Variants in ANO2 observed in about 807,000 individuals in gnomAD.
ANO2 encodes anoctamin 2.
ANO2 carries 101 observed loss-of-function variants against 124.2 expected under a neutral mutation model. The ratio of observed to expected loss-of-function variants is 0.81; its 90% CI spans 0.69 to 0.96. The LOEUF (loss-of-function observed/expected upper bound fraction) is 0.96. Ranked by LOEUF, ANO2 falls within the 40% of genes least tolerant of loss-of-function variation. The probability of loss-of-function intolerance (pLI) is 0.00; values close to 1 mark genes in which losing one functional copy is unlikely to be tolerated. For synonymous variants in ANO2, 486 were observed against 482.5 expected (o/e 1.01, Z -0.09); for missense variants, 1,293 against 1,274.5 (o/e 1.01, Z -0.22).
Position 5,599,589 on chromosome 12 carries a change from C to T in ANO2, c.2128G>A (p.Glu710Lys), listed in dbSNP as rs201334213. Residue 710 changes from glutamate (E) to lysine (K), a missense_variant, in exon 20 of 25, where the codon GAA becomes AAA. Transcript: ENST00000682330. ...KLFRKLKDET[E>K]AGETDSAHSK... ...TGGGCAGAGTCAGTTTCTCCAGCTT[C>T]GGTCTCATCTTTCAGCTTTCGAAAT... The T allele has an allele frequency of 8.2e-5, 132 of 1,613,826 alleles. No homozygotes were observed. In the African/African-American group the frequency reaches 1.1e-3, roughly 14 times the overall value.
chr12:5,604,484 G>T (rs577249802), intron 19 of ANO2, among the ~76,000 whole-genome samples: 4 of 152,172 alleles, frequency 2.6e-5, no homozygotes, highest in South Asian at 2.1e-4. Context: ...TGGATAGAGC[G>T]TGCGTCAGAA....
chr12:5,921,171 G>T lies in ANO2; in HGVS notation c.403C>A (p.Pro135Thr). 1.2e-6 allele frequency: 2 copies of T among 1,613,924 alleles called. No homozygotes were observed. Among genetic ancestry groups the T allele is most frequent in the Non-Finnish European group, 1.7e-6 (2 of 1,179,862 alleles). The change falls in exon 3 of 25, where the codon CCT becomes ACT. Residue 135 changes from proline (P) to threonine (T), a missense_variant. Pro to Thr is a conservative substitution (Grantham distance 38). Transcript: ENST00000682330. ...IVSNGETGKEPHAGGPGDIEL... is the reference protein window; with the variant it reads ...IVSNGETGKETHAGGPGDIEL... ...ATGTCACCTGGGCCCCCAGCATGAGGCTCCTTGCCTGTCTCCCCATTGGAG... is the reference window on the plus strand; with the variant it reads ...ATGTCACCTGGGCCCCCAGCATGAGTCTCCTTGCCTGTCTCCCCATTGGAG...
chr12:5,721,233 AAGAG>A (rs1406598113), intron 14 of ANO2, among the ~76,000 whole-genome samples: 11 of 152,174 alleles, frequency 7.2e-5, no homozygotes, highest in Admixed American at 5.9e-4. Context: ...AGACGGCAAT[AAGAG>A]AGAGAGAATA....
intron 10 of ANO2, among the ~76,000 whole-genome samples, chr12:5,791,035 A>G (rs1362626911): frequency 6.6e-6 from 1 of 152,044 alleles, no homozygotes; most frequent in Non-Finnish European, 1.5e-5. Flanking sequence ...CAGTAACATC[A>G]TTTCACTCTC....
intron 13 of ANO2, 28 bp downstream of exon 13, chr12:5,739,285 GAAGT>G (rs1166728889): frequency 6.5e-7 from 1 of 1,542,922 alleles, no homozygotes; most frequent in Admixed American, 1.9e-5. Flanking sequence ...AAAGCCCACA[GAAGT>G]ATGTGAGAAA....
intron 10 of ANO2, among the ~76,000 whole-genome samples, chr12:5,775,694 C>A (rs1310699026): frequency 1.3e-5 from 2 of 152,094 alleles, no homozygotes; most frequent in Non-Finnish European, 2.9e-5. Flanking sequence ...ATCTTCTGAC[C>A]TCGTGATCCA....
chr12:5,711,253 G>A (rs1949807161), intron 14 of ANO2, among the ~76,000 whole-genome samples: 1 of 152,120 alleles, frequency 6.6e-6, no homozygotes, highest in Non-Finnish European at 1.5e-5. Flanking sequence ...ATGTCTTGGT[G>A]CCATTCTCAT....
chr12:5,721,509 T>TG (rs34483933), intron 14 of ANO2, among the ~76,000 whole-genome samples: 1,532 of 95,180 alleles, frequency 0.016, 23 homozygotes, highest in African/African-American at 0.055. Flanking sequence ...GTTTTTTTTT[T>TG]TTGTTTTTTT....
Position 5,827,622 on chromosome 12 carries a change from G to A in ANO2, c.892+147C>T, listed in dbSNP as rs1296078212. 1.0e-5 allele frequency: 10 copies of A among 956,904 alleles called. No homozygotes were observed. The East Asian group carries it at 2.6e-4, about 25-fold the overall frequency. The allele number at this position is 956,904 out of a possible 1,614,324, so 59.3% of individuals were successfully genotyped here. Reference sequence around the variant, plus strand: ...CCCCGCTGCTCCTGGGGCCAAGGCAGGCTTCTCAGCCCAAGCTAAGCAGCC... The same window carrying A: ...CCCCGCTGCTCCTGGGGCCAAGGCAAGCTTCTCAGCCCAAGCTAAGCAGCC... On this transcript the variant is annotated intron_variant, in intron 7 of 24. Transcript: ENST00000682330.
chr12:5,611,796 G>A (rs1397178862), intron 19 of ANO2, among the ~76,000 whole-genome samples: 1 of 152,162 alleles, frequency 6.6e-6, no homozygotes, highest in African/African-American at 2.4e-5. Context: ...CCTGTCTGAC[G>A]ATTACACCCA....
At chr12:5,830,010 G>T (rs1591666968) in intron 6 of ANO2, among the ~76,000 whole-genome samples, 2 of 152,252 alleles carry the variant, frequency 1.3e-5, no homozygotes, top group East Asian at 3.9e-4. Context: ...AACAAACACA[G>T]TGGCCCAACA....
At chr12:5,622,170 T>C (rs1292496385) in intron 16 of ANO2, among the ~76,000 whole-genome samples, 1 of 152,186 alleles carries the variant, frequency 6.6e-6, no homozygotes, top group Non-Finnish European at 1.5e-5. Context: ...ATGTCTTTAA[T>C]TTTATTTTAT....
Position 5,637,597 on chromosome 12 carries a change from C to T in ANO2, c.1621-2250G>A, listed in dbSNP as rs139435476. Reference sequence around the variant, plus strand: ...ATCAGCTGGAAGCTTGATTGAAATGCGGAATCTCAAGCACAACTCCAGACC... The same window carrying T: ...ATCAGCTGGAAGCTTGATTGAAATGTGGAATCTCAAGCACAACTCCAGACC... On this transcript the variant is annotated intron_variant, in intron 15 of 24. Transcript: ENST00000682330. Among the ~76,000 whole-genome samples the T allele has an allele frequency of 3.9e-3, 598 of 152,194 alleles. 5 individuals carry two copies. The highest frequency in any genetic ancestry group is 0.013 in the African/African-American group (549 of 41,504).
chr12:5,865,729 T>C (rs565745538), intron 3 of ANO2, among the ~76,000 whole-genome samples: 1 of 150,772 alleles, frequency 6.6e-6, no homozygotes, highest in African/African-American at 2.4e-5. Context: ...CATCACACCA[T>C]TATGCATTCA....
At chr12:5,588,505 T>C (rs1943235062) in intron 20 of ANO2, among the ~76,000 whole-genome samples, 1 of 152,184 alleles carries the variant, frequency 6.6e-6, no homozygotes, top group Non-Finnish European at 1.5e-5. Context: ...CCTGGGCCTC[T>C]TGGCTTTGAG....
At chr12:5,592,287 C>T (rs1215851983) in intron 20 of ANO2, among the ~76,000 whole-genome samples, 1 of 152,138 alleles carries the variant, frequency 6.6e-6, no homozygotes, top group Non-Finnish European at 1.5e-5. Flanking sequence ...GACATTGTCC[C>T]TGTCCCCAAA....
chr12:5,611,212 G>A (rs771488935), intron 19 of ANO2, among the ~76,000 whole-genome samples: 3 of 151,834 alleles, frequency 2.0e-5, no homozygotes, highest in South Asian at 2.1e-4. Context: ...CTCGTGATCC[G>A]CCCACCTCAG....
rs1337774039 is a variant in ANO2 at position 5,897,461 on chromosome 12, T to C, written c.534+23579A>G. Among the ~76,000 whole-genome samples the C allele has an allele frequency of 2.0e-5, 3 of 151,950 alleles. No homozygotes were observed. The East Asian group carries it at 5.8e-4, about 29-fold the overall frequency. ...GTAGGCTGAGTGACAGGTAAAGAAA[T>C]GGGCATAGTAAGTAGAAATAACTTC... On this transcript the variant is annotated intron_variant, in intron 3 of 24. Transcript: ENST00000682330.
At chr12:5,697,651 C>T (rs1021235642) in intron 14 of ANO2, among the ~76,000 whole-genome samples, 5 of 152,144 alleles carry the variant, frequency 3.3e-5, no homozygotes, top group Admixed American at 6.5e-5. Context: ...CAAAGCAGGG[C>T]GAGGCATCCC....
Sources: gnomAD v4.1 joint callset for allele counts (sites outside exome capture counted in the v4.1 genomes callset) on GRCh38, gnomAD v4.1.1 for gene constraint, MANE v1.5 for transcripts, NCBI Gene and HGNC (gene_info 2026-07-23, HGNC 2026-07-21) for gene names.